Variants in ARPC5 observed in about 807,000 individuals in gnomAD.
ARPC5 encodes the protein actin-related protein 2/3 complex subunit 5.
ARPC5 carries 5 observed loss-of-function variants against 15.4 expected under a neutral mutation model. The observed-to-expected ratio is 0.32, with a 90% confidence interval of 0.17 to 0.68. The LOEUF is 0.68. ARPC5 is among the 30% of genes least tolerant of loss of function. The probability of loss-of-function intolerance (pLI) is 0.71; values close to 1 mark genes in which losing one functional copy is unlikely to be tolerated. For missense variants in ARPC5, 138 were observed against 192.8 expected (o/e 0.72, Z 1.68); for synonymous variants, 85 against 72.2 (o/e 1.18, Z -0.90).
chr1:183,632,295 G>A lies in ARPC5; in HGVS notation c.216+787C>T, dbSNP rs986688176. 3 of 151,952 alleles carry A rather than the reference G, an allele frequency of 2.0e-5. No homozygotes were observed. In the South Asian group the frequency reaches 6.2e-4, roughly 32 times the overall value. 9.4% of individuals were successfully genotyped at this position (151,952 alleles called of 1,614,324 possible). On this transcript the variant is annotated intron_variant, in intron 2 of 3. Transcript: ENST00000359856. The stretch of plus-strand genomic sequence containing the variant: ...TGTAAGTTGCACAACTGTTCTGAAG[G>A]GCAATTTGGCAATACTGCATACCAA...
In ARPC5 at chr1:183,624,406, G is replaced by A. The variant is rs542844625; in HGVS notation, c.*3126C>T. 1 of 152,188 alleles carries A rather than the reference G, an allele frequency of 6.6e-6. No homozygotes were observed. Among genetic ancestry groups the A allele is most frequent in the Admixed American group, 6.5e-5 (1 of 15,282 alleles). The allele number at this position is 152,188 out of a possible 1,614,324, so 9.4% of individuals were successfully genotyped here. On this transcript the variant is annotated 3_prime_UTR_variant, in exon 4 of 4. Coordinates refer to ENST00000359856, the MANE Select transcript of ARPC5 (RefSeq NM_005717.4). Reference sequence around the variant, plus strand: ...GGCGCCTGTAGTCCCAGCTACTTGGGAGGCTGAGGCAGGAGAATGGCGTGA... The same window carrying A: ...GGCGCCTGTAGTCCCAGCTACTTGGAAGGCTGAGGCAGGAGAATGGCGTGA...
chr1:183,623,562 G>T lies in ARPC5; in HGVS notation c.*3970C>A. ...GAGGGAGTGGGGCAGAGGTCCCGCG[G>T]CAGGAATATGGACAGAAGCAGCCTT... On this transcript the variant is annotated 3_prime_UTR_variant, in exon 4 of 4. Coordinates refer to ENST00000359856, the MANE Select transcript of ARPC5 (RefSeq NM_005717.4). The T allele has an allele frequency of 6.5e-7, 1 of 1,532,280 alleles. No individual in the cohort carries two copies. Among genetic ancestry groups the T allele is most frequent in the Non-Finnish European group, 8.8e-7 (1 of 1,131,594 alleles). The allele number at this position is 1,532,280 out of a possible 1,614,324, so 94.9% of individuals were successfully genotyped here.
intron 3 of ARPC5, 69 bp downstream of exon 3, chr1:183,630,390 TGA>T (rs1375046666): frequency 8.2e-7 from 1 of 1,223,564 alleles, no homozygotes. Context: ...GTTATTTAGG[TGA>T]GAGAGGTTGT....
chr1:183,631,911 T>C (rs1157154034), intron 2 of ARPC5: 1 of 152,224 alleles, frequency 6.6e-6, no homozygotes, highest in Non-Finnish European at 1.5e-5. Context: ...CACAAAGTGA[T>C]ACCTCCAGCA....
Position 183,623,610 on chromosome 1 carries a change from A to AGAG in ARPC5, c.*3919_*3921dup. ...CTTGTTTAAGGGCACTTGGTTCTACAGAGGCCGTTGGTCTGTTCCTTAATT... is the reference window on the plus strand; with the variant it reads ...CTTGTTTAAGGGCACTTGGTTCTACAGAGGAGGCCGTTGGTCTGTTCCTTAATT... On this transcript the variant is annotated 3_prime_UTR_variant, in exon 4 of 4. Transcript: ENST00000359856. 8.3e-7 allele frequency: 1 copy of AGAG among 1,206,762 alleles called. No homozygotes were observed. The highest frequency in any genetic ancestry group is 2.5e-5 in the East Asian group (1 of 39,220). 74.8% of individuals were successfully genotyped at this position (1,206,762 alleles called of 1,614,324 possible).
Position 183,634,391 on chromosome 1 carries a change from G to A in ARPC5, c.143+1126C>T, listed in dbSNP as rs556301275. On this transcript the variant is annotated intron_variant, in intron 1 of 3. Transcript: ENST00000359856. ...CTCTATTTAGGTGCCTTTAAAAAAG[G>A]ATATTGTTGCCATTAAATATTTTCA... Among the ~76,000 whole-genome samples the A allele has an allele frequency of 1.4e-4, 21 of 152,308 alleles. No homozygotes were observed. The South Asian group carries it at 4.4e-3, about 32-fold the overall frequency.
intron 3 of ARPC5, 99 bp from the exon 4 acceptor site, chr1:183,627,693 T>C: frequency 1.1e-6 from 1 of 906,022 alleles, no homozygotes; most frequent in Non-Finnish European, 1.9e-6. Flanking sequence ...GGCACTGCTA[T>C]AGACCCTGAA....
chr1:183,635,549 G>C lies in ARPC5; in HGVS notation c.111C>G (p.Pro37=), dbSNP rs372942072. ...GGCAGGAGTCCACCTCGCCCTCGTCGGGCCCGGCCTGGCCGTCGCCCCCAT... is the reference window on the plus strand; with the variant it reads ...GGCAGGAGTCCACCTCGCCCTCGTCCGGCCCGGCCTGGCCGTCGCCCCCAT... ...EEDGGDGQAG[P]DEGEVDSCLR... is the part of the protein sequence containing the mutation. Residue 37 remains proline, a synonymous_variant, in exon 1 of 4, where the codon CCC becomes CCG. Coordinates refer to ENST00000359856, the MANE Select transcript of ARPC5 (RefSeq NM_005717.4). The C allele has an allele frequency of 1.2e-5, 20 of 1,612,782 alleles. No homozygotes were observed. Among genetic ancestry groups the C allele is most frequent in the Admixed American group, 5.0e-5 (3 of 59,862 alleles).
At chr1:183,631,493 T>C (rs1354849615) in intron 2 of ARPC5, 2 of 150,444 alleles carry the variant, frequency 1.3e-5, no homozygotes, top group East Asian at 2.0e-4. Flanking sequence ...AGCAGGAGGA[T>C]TGCTTAAACC....
chr1:183,632,232 C>T (rs1015265525), intron 2 of ARPC5: 2 of 152,014 alleles, frequency 1.3e-5, no homozygotes, highest in East Asian at 1.9e-4. Flanking sequence ...TAAATAAATA[C>T]GTAAATAGGT....
In ARPC5 at chr1:183,622,855, C is replaced by G. The variant is rs1319108996; in HGVS notation, c.*4677G>C. The G allele has an allele frequency of 1.3e-5, 2 of 153,370 alleles. No homozygotes were observed. The highest frequency in any genetic ancestry group is 4.8e-5 in the African/African-American group (2 of 41,450). 9.5% of individuals were successfully genotyped at this position (153,370 alleles called of 1,614,324 possible). ...TCTTTGTGACTAAACTTGATTGGCT[C>G]TAGGGTATTTGAACCCAAGAATTAT... On this transcript the variant is annotated 3_prime_UTR_variant, in exon 4 of 4. Transcript: ENST00000359856.
rs1649038524 is a variant in ARPC5 at position 183,624,583 on chromosome 1, TA to T, written c.*2948del. ...TTAAAACTGCAAGAACAGTGACTAT[TA>T]AACCCACTTTTAACTTTCTCTTTCT... is the stretch of plus-strand genomic sequence containing the variant. On this transcript the variant is annotated 3_prime_UTR_variant, in exon 4 of 4. Transcript: ENST00000359856. The T allele has an allele frequency of 1.3e-5, 2 of 152,322 alleles. No homozygotes were observed. The highest frequency in any genetic ancestry group is 4.1e-4 in the South Asian group (2 of 4,822). 9.4% of individuals were successfully genotyped at this position (152,322 alleles called of 1,614,324 possible). A position where few individuals can be genotyped will look rare whatever the true frequency, so the allele number is the denominator to read the frequency against.
chr1:183,622,120 G>A lies in ARPC5; in HGVS notation c.*5412C>T, dbSNP rs1316030314. On this transcript the variant is annotated 3_prime_UTR_variant, in exon 4 of 4. Transcript: ENST00000359856. ...CTATATATAGTATGTTAGTATTTAT[G>A]TACACAAAGGGGTAAAATCTTATAT... The A allele has an allele frequency of 6.6e-6, 1 of 152,176 alleles. No individual in the cohort carries two copies. Among genetic ancestry groups the A allele is most frequent in the Non-Finnish European group, 1.5e-5 (1 of 68,028 alleles). The allele number at this position is 152,176 out of a possible 1,614,324, so 9.4% of individuals were successfully genotyped here.
At chr1:183,635,375 C>G in intron 1 of ARPC5, 142 bp downstream of exon 1, 1 of 1,007,390 alleles carries the variant, frequency 9.9e-7, no homozygotes, top group Non-Finnish European at 1.4e-6. Context: ...TCAGAGCGGG[C>G]GATCCCAAAG....
intron 1 of ARPC5, chr1:183,634,051 C>A (rs961385092): frequency 1.1e-4 from 17 of 152,192 alleles, no homozygotes; most frequent in African/African-American, 3.9e-4. Context: ...TACAGCAGTA[C>A]CATTTAAAAG....
At position 183,623,487 on chromosome 1, in the gene ARPC5, T is replaced by C. The variant is rs1648994719; in HGVS notation, c.*4045A>G. 1.3e-6 allele frequency: 2 copies of C among 1,550,268 alleles called. No homozygotes were observed. The highest frequency in any genetic ancestry group is 1.7e-6 in the Non-Finnish European group (2 of 1,146,818). ...CAAGAGGCACCTGCACAGAACGTTT[T>C]CACATTGGGGTTTTCACATATTGTA... On this transcript the variant is annotated 3_prime_UTR_variant, in exon 4 of 4. Coordinates refer to ENST00000359856, the MANE Select transcript of ARPC5 (RefSeq NM_005717.4).
intron 3 of ARPC5, among the ~76,000 whole-genome samples, chr1:183,628,198 A>T (rs1366711324): frequency 6.6e-6 from 1 of 151,052 alleles, no homozygotes; most frequent in Non-Finnish European, 1.5e-5. Flanking sequence ...AAAAAAAAAA[A>T]AAAATCTGCA....
At chr1:183,632,078 T>G (rs1471845411) in intron 2 of ARPC5, 3 of 152,146 alleles carry the variant, frequency 2.0e-5, no homozygotes, top group Admixed American at 6.5e-5. Context: ...CAAAGAAATT[T>G]TCCCCAATAA....
intron 1 of ARPC5, 67 bp downstream of exon 1, chr1:183,635,450 C>G: frequency 2.0e-6 from 3 of 1,514,854 alleles, no homozygotes; most frequent in Non-Finnish European, 2.6e-6. Context: ...CCTGCAGGCT[C>G]CCGGGTCCCA....
Sources: gnomAD v4.1 joint callset for allele counts (sites outside exome capture counted in the v4.1 genomes callset) on GRCh38, gnomAD v4.1.1 for gene constraint, MANE v1.5 for transcripts, NCBI Gene and HGNC (gene_info 2026-07-23, HGNC 2026-07-21) for gene names.